Variants in RCL1 observed in about 807,000 individuals in gnomAD.
RCL1 encodes the protein RNA terminal phosphate cyclase like 1.
RCL1 carries 24 observed loss-of-function variants against 42.4 expected under a neutral mutation model. That is an observed-to-expected ratio of 0.57 (90% CI 0.41 to 0.80). The LOEUF is 0.80. Ranked by LOEUF, RCL1 falls within the 30% of genes least tolerant of loss-of-function variation. The pLI, the probability that RCL1 is intolerant of heterozygous loss-of-function variation, is 0.00. For synonymous variants in RCL1, 228 were observed against 177.3 expected, an observed-to-expected ratio of 1.29 and a Z score of -2.27; for missense variants, 578 against 467.9, an observed-to-expected ratio of 1.24 and a Z score of -2.17.
intron 1 of RCL1, among the ~76,000 whole-genome samples, chr9:4,817,243 CATTT>C (rs1816414798): frequency 6.6e-6 from 1 of 151,966 alleles, no homozygotes. Context: ...GTGTCCTTTT[CATTT>C]ATTTGTTTTG....
chr9:4,804,921 G>C (rs1417100862), intron 1 of RCL1: 2 of 152,696 alleles, frequency 1.3e-5, no homozygotes, highest in Non-Finnish European at 2.9e-5. Context: ...GGAAGCACCA[G>C]GGGAAGTCGC....
chr9:4,818,321 C>A (rs1403526303), intron 1 of RCL1, among the ~76,000 whole-genome samples: 1 of 151,996 alleles, frequency 6.6e-6, no homozygotes, highest in African/African-American at 2.4e-5. Context: ...TTATGGTCTG[C>A]ATTTTTTTTT....
rs182567926 is a variant in RCL1 at position 4,813,900 on chromosome 9, A to G, written c.137-9648A>G. ...CAGGTCCTTTGTAGGGACATGGATA[A>G]AACTGGAAACCATCATTCTGAGCAA... On this transcript the variant is annotated intron_variant, in intron 1 of 8. Transcript: ENST00000381750. Among the ~76,000 whole-genome samples, 246 of 152,334 alleles carry G rather than the reference A, an allele frequency of 1.6e-3. 1 individual carries two copies. The highest frequency in any genetic ancestry group is 3.7e-3 in the Admixed American group (56 of 15,302).
chr9:4,798,841 A>G (rs1587689917), intron 1 of RCL1, among the ~76,000 whole-genome samples: 1 of 151,326 alleles, frequency 6.6e-6, no homozygotes, highest in East Asian at 1.9e-4. Context: ...GTATGCTTCC[A>G]AGTGATGATT....
At chr9:4,809,310 T>C (rs974347888) in intron 1 of RCL1, among the ~76,000 whole-genome samples, 1 of 152,188 alleles carries the variant, frequency 6.6e-6, no homozygotes, top group African/African-American at 2.4e-5. Flanking sequence ...GACTCCTTTT[T>C]TTTTTCTTGC....
chr9:4,827,222 C>G (rs10511460), intron 3 of RCL1, 189 bp downstream of exon 3: 50,601 of 1,521,384 alleles, frequency 0.033, 1,211 homozygotes, highest in African/African-American at 0.1. Flanking sequence ...TCATCAAATT[C>G]AGGACTATTG....
chr9:4,858,940 A>G (rs1328522665), intron 8 of RCL1, among the ~76,000 whole-genome samples: 1 of 152,210 alleles, frequency 6.6e-6, no homozygotes, highest in Admixed American at 6.5e-5. Context: ...GCCTCTATGA[A>G]CTGGGGAGTA....
At position 4,831,291 on chromosome 9, in the gene RCL1, G is replaced by A. The variant is rs183114199; in HGVS notation, c.385-1863G>A. Among the ~76,000 whole-genome samples the A allele has an allele frequency of 9.4e-5, 14 of 149,514 alleles. 1 individual carries two copies. In the East Asian group the frequency reaches 2.7e-3, roughly 29 times the overall value. On this transcript the variant is annotated intron_variant, in intron 3 of 8. Coordinates refer to ENST00000381750, the MANE Select transcript of RCL1 (RefSeq NM_005772.5). ...AAGGTATAGGAAGGATGAGCCAGAA[G>A]GAATGCTGTGTTTTTTCACCTTTTT...
At chr9:4,856,459 A>T (rs777667104) in intron 8 of RCL1, among the ~76,000 whole-genome samples, 1 of 152,212 alleles carries the variant, frequency 6.6e-6, no homozygotes, top group Non-Finnish European at 1.5e-5. Flanking sequence ...CTGAGGCTAA[A>T]TTCTATTCAG....
intron 3 of RCL1, among the ~76,000 whole-genome samples, chr9:4,831,451 T>C (rs1451971604): frequency 1.3e-5 from 2 of 152,190 alleles, no homozygotes; most frequent in Non-Finnish European, 2.9e-5. Context: ...CAACGCCAAA[T>C]GCATATATTA....
chr9:4,833,935 C>T (rs891411236), intron 4 of RCL1, among the ~76,000 whole-genome samples: 2 of 152,154 alleles, frequency 1.3e-5, no homozygotes, highest in African/African-American at 4.8e-5. Flanking sequence ...CTTGGGTAAT[C>T]GACTTGGACT....
At chr9:4,848,190 G>A (rs570417140) in intron 7 of RCL1, among the ~76,000 whole-genome samples, 1 of 152,302 alleles carries the variant, frequency 6.6e-6, no homozygotes, top group South Asian at 2.1e-4. Flanking sequence ...CCATGGGTCA[G>A]GTTTTTCTTT....
chr9:4,850,408 G>T (rs754393752), intron 8 of RCL1: 1 of 511,154 alleles, frequency 2.0e-6, no homozygotes, highest in Non-Finnish European at 4.1e-6. Context: ...GAGGACTGCG[G>T]TGGGGCTATG....
chr9:4,860,287 A>G lies in RCL1; in HGVS notation c.*12A>G. On this transcript the variant is annotated 3_prime_UTR_variant, in exon 9 of 9. Coordinates refer to ENST00000381750, the MANE Select transcript of RCL1 (RefSeq NM_005772.5). Reference sequence around the variant, plus strand: ...AGACCCTCAAGTGATAACCATCACAAGATAAGGCCCCAATGCCTACAGACA... The same window carrying G: ...AGACCCTCAAGTGATAACCATCACAGGATAAGGCCCCAATGCCTACAGACA... 1.9e-6 allele frequency: 3 copies of G among 1,611,764 alleles called. No individual in the cohort carries two copies. Among genetic ancestry groups the G allele is most frequent in the Non-Finnish European group, 2.5e-6 (3 of 1,179,242 alleles).
intron 1 of RCL1, chr9:4,804,687 C>G (rs1214336430): frequency 6.0e-6 from 1 of 165,906 alleles, no homozygotes; most frequent in African/African-American, 2.4e-5. Context: ...CATGGCTAGT[C>G]AAAGCGGCCG....
intron 3 of RCL1, among the ~76,000 whole-genome samples, chr9:4,828,454 C>G (rs191524771): frequency 6.6e-6 from 1 of 151,814 alleles, no homozygotes; most frequent in African/African-American, 2.4e-5. Context: ...TGCATAAACT[C>G]TTTTCCCTGG....
chr9:4,835,537 A>G (rs1239221097), intron 5 of RCL1, among the ~76,000 whole-genome samples: 1 of 152,178 alleles, frequency 6.6e-6, no homozygotes, highest in Admixed American at 6.5e-5. Flanking sequence ...CAGGAAAGAG[A>G]AGGAGAAGGA....
intron 1 of RCL1, among the ~76,000 whole-genome samples, chr9:4,805,389 G>A (rs76536514): frequency 0.036 from 4,470 of 123,902 alleles, 194 homozygotes; most frequent in African/African-American, 0.13. Context: ...TCTCTAAAAA[G>A]AAGAAGAAGG....
chr9:4,821,654 T>C (rs980488649), intron 1 of RCL1, among the ~76,000 whole-genome samples: 5 of 152,130 alleles, frequency 3.3e-5, no homozygotes, highest in South Asian at 2.1e-4. Context: ...ATTTTTTTTT[T>C]TCCCCCCAGA....
Sources: allele counts gnomAD v4.1 joint callset (sites outside exome capture counted in the v4.1 genomes callset), GRCh38; gene constraint gnomAD v4.1.1; transcripts MANE v1.5; gene names NCBI Gene and HGNC (gene_info 2026-07-23, HGNC 2026-07-21).